Variants in ZNF283 observed in about 807,000 individuals in gnomAD.
ZNF283 encodes the protein zinc finger protein 283.
Under a neutral mutation model 9.2 loss-of-function variants are expected in ZNF283, and 10 were observed. That is an observed-to-expected ratio of 1.09 (90% CI 0.67 to 1.85). ZNF283 has a LOEUF of 1.85. Among genes scored for constraint, ZNF283 ranks in the 40% most tolerant of loss-of-function variants. ZNF283 has a pLI of 0.00. For missense variants in ZNF283, 631 were observed against 760.1 expected, an observed-to-expected ratio of 0.83 and a Z score of 2.00; for synonymous variants, 234 against 244.1, an observed-to-expected ratio of 0.96 and a Z score of 0.38.
At chr19:43,842,650 C>T (rs1017114395) in intron 6 of ZNF283, among the ~76,000 whole-genome samples, 1 of 152,192 alleles carries the variant, frequency 6.6e-6, no homozygotes, top group Non-Finnish European at 1.5e-5. Context: ...TTCCCAAGAA[C>T]CTTTCAGTGG....
intron 3 of ZNF283, among the ~76,000 whole-genome samples, chr19:43,833,029 GAAAAAAAAA>G (rs368640688): frequency 1.3e-5 from 1 of 76,474 alleles, no homozygotes; most frequent in Non-Finnish European, 2.5e-5. Flanking sequence ...CCCTGTCTCT[GAAAAAAAAA>G]AAAAAAAAAA....
chr19:43,832,461 T>A (rs1970751652), intron 3 of ZNF283, among the ~76,000 whole-genome samples: 1 of 152,236 alleles, frequency 6.6e-6, no homozygotes, highest in South Asian at 2.1e-4. Context: ...TATTTTCTGA[T>A]GCAGCTTAAT....
intron 6 of ZNF283, among the ~76,000 whole-genome samples, chr19:43,845,439 GC>G (rs1157781809): frequency 1.3e-5 from 2 of 152,088 alleles, no homozygotes; most frequent in African/African-American, 4.8e-5. Context: ...TGTCAGAGGA[GC>G]TTTTGACAAG....
At chr19:43,838,442 A>T (rs1971067630) in intron 6 of ZNF283, among the ~76,000 whole-genome samples, 1 of 152,154 alleles carries the variant, frequency 6.6e-6, no homozygotes, top group South Asian at 2.1e-4. Flanking sequence ...CATGGGCAGC[A>T]TGGCAAAACC....
At chr19:43,843,416 CTTTG>C (rs907453736) in intron 6 of ZNF283, among the ~76,000 whole-genome samples, 9 of 152,156 alleles carry the variant, frequency 5.9e-5, no homozygotes, top group South Asian at 2.1e-4. Context: ...GAATGAAAAA[CTTTG>C]TTTGTTCAGA....
At chr19:43,842,784 A>C (rs1971264973) in intron 6 of ZNF283, among the ~76,000 whole-genome samples, 1 of 152,248 alleles carries the variant, frequency 6.6e-6, no homozygotes, top group African/African-American at 2.4e-5. Context: ...CTTTAGCATG[A>C]GCAAAGGCAG....
intron 5 of ZNF283, 126 bp downstream of exon 5, chr19:43,835,718 T>A: frequency 1.5e-6 from 1 of 683,766 alleles, no homozygotes; most frequent in South Asian, 1.9e-5. Flanking sequence ...ATAAGGACTT[T>A]GGGGTTGCTT....
intron 6 of ZNF283, among the ~76,000 whole-genome samples, chr19:43,844,629 A>G (rs1971337233): frequency 6.6e-6 from 1 of 152,216 alleles, no homozygotes; most frequent in Non-Finnish European, 1.5e-5. Flanking sequence ...ACCTGTGACC[A>G]ACTATATATG....
At chr19:43,837,345 G>A (rs970388172) in intron 6 of ZNF283, 166 bp downstream of exon 6, 12 of 621,902 alleles carry the variant, frequency 1.9e-5, no homozygotes, top group East Asian at 1.6e-4. Context: ...TGTTAAACAC[G>A]TTGATCTTCC....
chr19:43,841,408 A>G (rs976923894), intron 6 of ZNF283: 2 of 149,852 alleles, frequency 1.3e-5, no homozygotes, highest in African/African-American at 2.5e-5. Context: ...TTCTTGTGTT[A>G]TATGGCTACT....
rs200357004 is a variant in ZNF283 at position 43,848,237 on chromosome 19, A to T, written c.1636A>T (p.Lys546Ter). Residue 546 changes from lysine to a stop codon, truncating the protein, a stop_gained, in exon 7 of 7, where the codon AAA (lysine) becomes TAA (stop). Transcript: ENST00000618787. LOFTEE classifies it low-confidence loss of function (END_TRUNC). ...TACAGGGGAGAAACCCTATGAATGT[A>T]AAGAATGTGGGAAGGCTTTTAGTCG... ...IHTGEKPYEC[K>*]ECGKAFSRGY... 1.4e-5 allele frequency: 22 copies of T among 1,613,826 alleles called. No homozygotes were observed. Among genetic ancestry groups the T allele is most frequent in the Non-Finnish European group, 1.5e-5 (18 of 1,179,958 alleles).
At chr19:43,828,031 A>C (rs181690269) in intron 1 of ZNF283, 171 bp from the exon 2 acceptor site, 3 of 152,246 alleles carry the variant, frequency 2.0e-5, no homozygotes, top group Non-Finnish European at 4.4e-5. Flanking sequence ...GTCCCCAAGA[A>C]TTGCCCTCAA....
Position 43,846,985 on chromosome 19 carries a change from T to C in ZNF283, c.384T>C (p.Asn128=). 1 of 1,578,554 alleles carries C rather than the reference T, an allele frequency of 6.3e-7. No individual in the cohort carries two copies. Among genetic ancestry groups the C allele is most frequent in the Non-Finnish European group, 8.6e-7 (1 of 1,163,898 alleles). The change falls in exon 7 of 7, where the codon AAT becomes AAC. Residue 128 remains asparagine (N), a synonymous_variant. Transcript: ENST00000618787. ...AGACCAAAAAAATATTTTCAGAAAA[T>C]GATATTTTTGAAATAAATTTTTCCC... ...TYETKKIFSE[N]DIFEINFSQW... is the part of the protein sequence containing the mutation.
chr19:43,848,583 A>G lies in ZNF283; in HGVS notation c.1982A>G (p.Glu661Gly). The change falls in exon 7 of 7, where the codon GAA (glutamate) becomes GGA (glycine). Residue 661 changes from glutamate (E) to glycine (G), a missense_variant. Coordinates refer to ENST00000618787, the MANE Select transcript of ZNF283 (RefSeq NM_181845.2). Reference protein sequence around the residue: ...DKPYKYNECGEAFLWTTYSNE... With the variant: ...DKPYKYNECGGAFLWTTYSNE... The stretch of plus-strand genomic sequence containing the variant: ...CCCTACAAATATAACGAATGTGGGG[A>G]AGCCTTTCTGTGGACAACTTACTCA... The G allele has an allele frequency of 6.3e-7, 1 of 1,590,384 alleles. No homozygotes were observed. The highest frequency in any genetic ancestry group is 8.6e-7 in the Non-Finnish European group (1 of 1,164,980).
Position 43,849,788 on chromosome 19 carries a change from T to G in ZNF283, c.*1147T>G, listed in dbSNP as rs1599736806. On this transcript the variant is annotated 3_prime_UTR_variant, in exon 7 of 7. Coordinates refer to ENST00000618787, the MANE Select transcript of ZNF283 (RefSeq NM_181845.2). ...GTAACTAATAATGCTGTTACAGAGA[T>G]TAGATGGATTTAGTATGCATCATAT... 1 of 152,336 alleles carries G rather than the reference T, an allele frequency of 6.6e-6. No homozygotes were observed. The highest frequency in any genetic ancestry group is 2.1e-4 in the South Asian group (1 of 4,828). 9.4% of individuals were successfully genotyped at this position (152,336 alleles called of 1,614,324 possible). A position where few individuals can be genotyped will look rare whatever the true frequency, so the allele number is the denominator to read the frequency against.
At chr19:43,834,630 C>G (rs1186314255) in intron 4 of ZNF283, among the ~76,000 whole-genome samples, 1 of 151,740 alleles carries the variant, frequency 6.6e-6, no homozygotes, top group African/African-American at 2.4e-5. Flanking sequence ...GAGTCTTGCT[C>G]TGTCACCCAG....
At chr19:43,840,267 T>C (rs570464730) in intron 6 of ZNF283, among the ~76,000 whole-genome samples, 2 of 152,286 alleles carry the variant, frequency 1.3e-5, no homozygotes, top group Middle Eastern at 3.4e-3. Flanking sequence ...AATCTTCCAA[T>C]AGATACTTCT....
rs1246139502 is a variant in ZNF283 at position 43,849,024 on chromosome 19, A to T, written c.*383A>T. The T allele has an allele frequency of 5.8e-6, 1 of 171,282 alleles. No individual in the cohort carries two copies. The highest frequency in any genetic ancestry group is 1.3e-5 in the Non-Finnish European group (1 of 78,964). The allele number at this position is 171,282 out of a possible 1,614,324, so 10.6% of individuals were successfully genotyped here. A position where few individuals can be genotyped will look rare whatever the true frequency, so the allele number is the denominator to read the frequency against. On this transcript the variant is annotated 3_prime_UTR_variant, in exon 7 of 7. Coordinates refer to ENST00000618787, the MANE Select transcript of ZNF283 (RefSeq NM_181845.2). ...CTAAACTTAATTCAGTTCTTGCTGC[A>T]CATCAGAGAATTCATACTGCTGTGT...
At chr19:43,844,430 G>A (rs1199476826) in intron 6 of ZNF283, among the ~76,000 whole-genome samples, 1 of 152,114 alleles carries the variant, frequency 6.6e-6, no homozygotes, top group Admixed American at 6.5e-5. Context: ...AACTACTGAT[G>A]CTATGTTGTA....
Sources: allele counts gnomAD v4.1 joint callset (sites outside exome capture counted in the v4.1 genomes callset), GRCh38; gene constraint gnomAD v4.1.1; transcripts MANE v1.5; gene names NCBI Gene and HGNC (gene_info 2026-07-23, HGNC 2026-07-21).